The following RALYL variants were observed in gnomAD, a reference collection of about 807,000 sequenced individuals.
The protein encoded by RALYL is RNA-binding Raly-like protein.
RALYL carries 29 observed loss-of-function variants against 35.1 expected under a neutral mutation model. That is an observed-to-expected ratio of 0.83 (90% confidence interval 0.61 to 1.13). The LOEUF is 1.13. Among genes scored for constraint, RALYL ranks in the 50% most tolerant of loss-of-function variants. The pLI is 0.00. For missense variants in RALYL, 359 were observed against 360.4 expected, an observed-to-expected ratio of 1.00 and a Z score of 0.03; for synonymous variants, 120 against 127.6, an observed-to-expected ratio of 0.94 and a Z score of 0.40.
chr8:84,713,523 T>C (rs975936179), intron 2 of RALYL, among the ~76,000 whole-genome samples: 1 of 152,012 alleles, frequency 6.6e-6, no homozygotes, highest in East Asian at 1.9e-4. Flanking sequence ...CAAGGATATA[T>C]CACATCACAC....
intron 2 of RALYL, among the ~76,000 whole-genome samples, chr8:84,627,382 A>G (rs915803561): frequency 4.7e-5 from 7 of 148,612 alleles, no homozygotes; most frequent in African/African-American, 1.7e-4. Context: ...GGAAGCCTCA[A>G]TGGAAATACT....
chr8:84,460,550 A>G (rs1159754534), intron 1 of RALYL, among the ~76,000 whole-genome samples: 4 of 151,734 alleles, frequency 2.6e-5, no homozygotes, highest in African/African-American at 9.7e-5. Flanking sequence ...ATTAAAAAAG[A>G]AAAACATCAA....
chr8:84,825,051 A>T (rs1023704361), intron 4 of RALYL, among the ~76,000 whole-genome samples: 14 of 152,288 alleles, frequency 9.2e-5, no homozygotes, highest in African/African-American at 3.4e-4. Context: ...ACTATCAAGG[A>T]AGTAAACAGA....
chr8:84,739,661 A>G (rs1206981821), intron 2 of RALYL, among the ~76,000 whole-genome samples: 2 of 151,908 alleles, frequency 1.3e-5, no homozygotes, highest in African/African-American at 2.4e-5. Flanking sequence ...AGTCATGAAG[A>G]CAATAATTAT....
At chr8:84,566,245 AT>A (rs2061774691) in intron 2 of RALYL, among the ~76,000 whole-genome samples, 1 of 151,656 alleles carries the variant, frequency 6.6e-6, no homozygotes, top group African/African-American at 2.4e-5. Flanking sequence ...TTTAAACTAC[AT>A]TATAATAATA....
intron 2 of RALYL, among the ~76,000 whole-genome samples, chr8:84,567,469 T>A (rs2061861389): frequency 6.6e-6 from 1 of 151,814 alleles, no homozygotes; most frequent in African/African-American, 2.4e-5. Context: ...AGTATTTGAT[T>A]TTTTGTTCTG....
At chr8:84,809,479 G>A (rs1206113409) in intron 4 of RALYL, among the ~76,000 whole-genome samples, 6 of 152,056 alleles carry the variant, frequency 3.9e-5, no homozygotes, top group Non-Finnish European at 7.4e-5. Flanking sequence ...TTTGGTATTA[G>A]GGTGATGCTG....
chr8:84,741,137 C>G (rs545487008), intron 2 of RALYL, among the ~76,000 whole-genome samples: 12 of 151,900 alleles, frequency 7.9e-5, no homozygotes, highest in Non-Finnish European at 1.6e-4. Context: ...TGACTCCTCT[C>G]CTTTGTATGG....
chr8:84,237,400 G>A (rs961489962), intron 1 of RALYL, among the ~76,000 whole-genome samples: 3 of 152,146 alleles, frequency 2.0e-5, no homozygotes, highest in East Asian at 1.9e-4. Context: ...CTGCCTCAGC[G>A]GGAGATTCTC....
intron 2 of RALYL, among the ~76,000 whole-genome samples, chr8:84,562,894 A>G (rs1168574039): frequency 6.6e-6 from 1 of 151,940 alleles, no homozygotes; most frequent in Non-Finnish European, 1.5e-5. Flanking sequence ...ACGAGACTCA[A>G]TCACCATATG....
chr8:84,339,395 T>C (rs1468006143), intron 1 of RALYL, among the ~76,000 whole-genome samples: 1 of 151,928 alleles, frequency 6.6e-6, no homozygotes, highest in Non-Finnish European at 1.5e-5. Context: ...ATGGCAGGAT[T>C]AGATTCTCAT....
In RALYL at chr8:84,323,647, C is replaced by T. The variant is rs111761431; in HGVS notation, c.-24+139223C>T. ...ACCAGCACATCAGTAGGTAAAGGCACTTGAAATGTTCTTCTAGATTAAATA... is the reference window on the plus strand; with the variant it reads ...ACCAGCACATCAGTAGGTAAAGGCATTTGAAATGTTCTTCTAGATTAAATA... On this transcript the variant is annotated intron_variant, in intron 1 of 8. Coordinates refer to ENST00000521268, the MANE Select transcript of RALYL (RefSeq NM_173848.7). Among the ~76,000 whole-genome samples the T allele has an allele frequency of 4.2e-4, 64 of 152,112 alleles. 1 individual carries two copies. The highest frequency in any genetic ancestry group is 1.5e-3 in the African/African-American group (63 of 41,546).
chr8:84,827,795 C>T (rs1265002316), intron 4 of RALYL, among the ~76,000 whole-genome samples: 2 of 151,980 alleles, frequency 1.3e-5, no homozygotes, highest in Non-Finnish European at 2.9e-5. Flanking sequence ...AGTAGAAGTA[C>T]ATACGTTGAG....
intron 4 of RALYL, among the ~76,000 whole-genome samples, chr8:84,808,399 G>A (rs1264481902): frequency 6.6e-6 from 1 of 152,152 alleles, no homozygotes; most frequent in African/African-American, 2.4e-5. Context: ...CCGTTTTGGT[G>A]ACTATGTCCT....
intron 2 of RALYL, among the ~76,000 whole-genome samples, chr8:84,582,476 G>GA (rs371285749): frequency 0.023 from 3,376 of 149,714 alleles, 77 homozygotes; most frequent in African/African-American, 0.056. Context: ...CAATGTAACT[G>GA]AAAAAAAAAG....
intron 2 of RALYL, among the ~76,000 whole-genome samples, chr8:84,608,465 T>C (rs1817628047): frequency 6.6e-6 from 1 of 152,116 alleles, no homozygotes; most frequent in Admixed American, 6.6e-5. Flanking sequence ...GCTTTTTCTA[T>C]ATTTCTGAAG....
intron 4 of RALYL, among the ~76,000 whole-genome samples, chr8:84,842,426 T>G (rs1833633047): frequency 6.6e-6 from 1 of 152,102 alleles, no homozygotes; most frequent in African/African-American, 2.4e-5. Context: ...AGGAAGAAGT[T>G]GAATCTCTGA....
intron 1 of RALYL, among the ~76,000 whole-genome samples, chr8:84,196,530 T>A (rs1236131908): frequency 6.6e-6 from 1 of 152,246 alleles, no homozygotes; most frequent in Non-Finnish European, 1.5e-5. Flanking sequence ...AAATTACTTT[T>A]AAAATATTCT....
At chr8:84,464,657 G>A (rs2051301972) in intron 1 of RALYL, among the ~76,000 whole-genome samples, 1 of 151,966 alleles carries the variant, frequency 6.6e-6, no homozygotes, top group Non-Finnish European at 1.5e-5. Flanking sequence ...TATATACCCA[G>A]TAATGGGATG....
Sources: gnomAD v4.1 joint callset for allele counts (sites outside exome capture counted in the v4.1 genomes callset) on GRCh38, gnomAD v4.1.1 for gene constraint, MANE v1.5 for transcripts, NCBI Gene and HGNC (gene_info 2026-07-23, HGNC 2026-07-21) for gene names.